Variants in CTNNA3 observed in about 807,000 individuals in gnomAD.
The protein encoded by CTNNA3 is catenin alpha-3.
CTNNA3 carries 76 observed loss-of-function variants against 95.7 expected under a neutral mutation model. That is an observed-to-expected ratio of 0.79 (90% CI 0.66 to 0.96). The LOEUF is 0.96. Among genes scored for constraint, CTNNA3 ranks in the 40% least tolerant of loss-of-function variants. The pLI, the probability that CTNNA3 is intolerant of heterozygous loss-of-function variation, is 0.00. For synonymous variants in CTNNA3, 431 were observed against 374.4 expected, an observed-to-expected ratio of 1.15 and a Z score of -1.74; for missense variants, 1,191 against 1,089.8, an observed-to-expected ratio of 1.09 and a Z score of -1.31.
At chr10:67,466,394 T>C (rs1589319906) in intron 5 of CTNNA3, among the ~76,000 whole-genome samples, 1 of 152,220 alleles carries the variant, frequency 6.6e-6, no homozygotes, top group East Asian at 1.9e-4. Context: ...AATACAACAA[T>C]GAAGTAGCAA....
intron 9 of CTNNA3, among the ~76,000 whole-genome samples, chr10:66,759,316 G>A (rs1839506832): frequency 6.6e-6 from 1 of 152,124 alleles, no homozygotes; most frequent in African/African-American, 2.4e-5. Flanking sequence ...GGTTGCAGTG[G>A]AACACTTCTT....
intron 17 of CTNNA3, among the ~76,000 whole-genome samples, chr10:65,951,804 C>T (rs758073487): frequency 5.3e-5 from 8 of 152,068 alleles, no homozygotes; most frequent in East Asian, 1.9e-4. Context: ...CCGAGGTGAG[C>T]GGACCACGAG....
At chr10:67,376,100 G>A (rs1843679279) in intron 5 of CTNNA3, among the ~76,000 whole-genome samples, 1 of 152,152 alleles carries the variant, frequency 6.6e-6, no homozygotes, top group African/African-American at 2.4e-5. Flanking sequence ...CTCCAGAACT[G>A]TGAAAAATAA....
At chr10:66,411,680 A>G (rs1434211942) in intron 11 of CTNNA3, among the ~76,000 whole-genome samples, 1 of 152,204 alleles carries the variant, frequency 6.6e-6, no homozygotes, top group African/African-American at 2.4e-5. Flanking sequence ...CAAGTAGATA[A>G]GGACTATAAT....
intron 9 of CTNNA3, among the ~76,000 whole-genome samples, chr10:66,692,392 C>T (rs1276079218): frequency 9.2e-5 from 14 of 151,982 alleles, no homozygotes; most frequent in Non-Finnish European, 1.6e-4. Context: ...TGAAATGAAG[C>T]AAGAAGGGAA....
At chr10:65,936,673 A>T (rs1296526798) in intron 17 of CTNNA3, among the ~76,000 whole-genome samples, 1 of 152,058 alleles carries the variant, frequency 6.6e-6, no homozygotes, top group South Asian at 2.1e-4. Flanking sequence ...TAATGATTAA[A>T]AGTGATTAAA....
intron 3 of CTNNA3, among the ~76,000 whole-genome samples, chr10:67,543,530 A>G (rs1017555234): frequency 5.9e-5 from 9 of 152,164 alleles, no homozygotes; most frequent in African/African-American, 2.2e-4. Context: ...AAAACATAGT[A>G]TAAGAAAAAT....
At chr10:67,752,477 C>T (rs1841412693) in intron 1 of CTNNA3, among the ~76,000 whole-genome samples, 1 of 152,110 alleles carries the variant, frequency 6.6e-6, no homozygotes, top group Admixed American at 6.6e-5. Flanking sequence ...AAGTTCTGGC[C>T]AGGGCAATCA....
intron 3 of CTNNA3, among the ~76,000 whole-genome samples, chr10:67,570,610 C>A (rs1017826728): frequency 3.3e-5 from 5 of 152,120 alleles, no homozygotes; most frequent in Non-Finnish European, 7.4e-5. Flanking sequence ...GTGGTTCCAC[C>A]TGGCTGTTTT....
chr10:66,493,239 TTAATAA>T (rs1839983968), intron 11 of CTNNA3, among the ~76,000 whole-genome samples: 2 of 152,182 alleles, frequency 1.3e-5, no homozygotes, highest in Non-Finnish European at 2.9e-5. Flanking sequence ...TCTTCTTCAA[TTAATAA>T]TAATACAGTG....
intron 11 of CTNNA3, among the ~76,000 whole-genome samples, chr10:66,476,977 T>C (rs527413604): frequency 2.3e-4 from 35 of 152,150 alleles, no homozygotes; most frequent in Non-Finnish European, 2.1e-4. Context: ...CCATTATTTA[T>C]GTTAATATTT....
At chr10:66,266,790 T>C (rs926572692) in intron 13 of CTNNA3, among the ~76,000 whole-genome samples, 18 of 152,106 alleles carry the variant, frequency 1.2e-4, no homozygotes, top group African/African-American at 3.9e-4. Flanking sequence ...CATTTTTTTC[T>C]ATTATTATTG....
At position 67,566,065 on chromosome 10, in the gene CTNNA3, A is replaced by ATATATATATATATATATATT. The variant is rs1841778510; in HGVS notation, c.293-26397_293-26396insAATATATATATATATATATA. ...TGTGTATATATATATATATATATATATATATATACAAAACCTAGGCATTAC... is the reference window on the plus strand; with the variant it reads ...TGTGTATATATATATATATATATATATATATATATATATATATATTTATATATACAAAACCTAGGCATTAC... On this transcript the variant is annotated intron_variant, in intron 3 of 17. Transcript: ENST00000433211. 2.0e-5 allele frequency among the ~76,000 whole-genome samples: 2 copies of ATATATATATATATATATATT among 99,306 alleles called. 1 individual carries two copies. The highest frequency in any genetic ancestry group is 4.0e-5 in the Non-Finnish European group (2 of 49,420). The allele number at this position is 99,306 out of a possible 152,430, so 65.1% of individuals were successfully genotyped here. A position where few individuals can be genotyped will look rare whatever the true frequency, so the allele number is the denominator to read the frequency against.
At chr10:66,408,586 G>A (rs2093075840) in intron 11 of CTNNA3, among the ~76,000 whole-genome samples, 1 of 152,030 alleles carries the variant, frequency 6.6e-6, no homozygotes, top group African/African-American at 2.4e-5. Context: ...GCTGTACAAA[G>A]TATCCTACCT....
intron 5 of CTNNA3, among the ~76,000 whole-genome samples, chr10:67,466,007 A>G (rs1437690067): frequency 6.6e-6 from 1 of 152,040 alleles, no homozygotes; most frequent in South Asian, 2.1e-4. Flanking sequence ...GTTATTTTTT[A>G]TTTGCCATTT....
chr10:67,022,666 G>A (rs1853099726), intron 7 of CTNNA3, among the ~76,000 whole-genome samples: 2 of 152,100 alleles, frequency 1.3e-5, no homozygotes, highest in African/African-American at 4.8e-5. Flanking sequence ...GGCCGGGCAC[G>A]GTGGTTCATG....
chr10:66,691,259 T>C (rs1368234489), intron 9 of CTNNA3, among the ~76,000 whole-genome samples: 3 of 152,266 alleles, frequency 2.0e-5, no homozygotes, highest in Admixed American at 6.5e-5. Context: ...CCCACCCTAA[T>C]ACTGCGCTTT....
At chr10:66,326,536 A>G (rs917825584) in intron 12 of CTNNA3, among the ~76,000 whole-genome samples, 30 of 152,106 alleles carry the variant, frequency 2.0e-4, no homozygotes, top group Admixed American at 1.9e-3. Flanking sequence ...ATGTATATAA[A>G]ATGCTGCATA....
At position 66,214,989 on chromosome 10, in the gene CTNNA3, A is replaced by G. The variant is rs542071055; in HGVS notation, c.1884+65481T>C. ...AAACTTCCAAGGTTGATGACTAGATAGATAGATAGATGCATAGATAGATAG... is the reference window on the plus strand; with the variant it reads ...AAACTTCCAAGGTTGATGACTAGATGGATAGATAGATGCATAGATAGATAG... On this transcript the variant is annotated intron_variant, in intron 13 of 17. Coordinates refer to ENST00000433211, the MANE Select transcript of CTNNA3 (RefSeq NM_013266.4). 2.2e-4 allele frequency among the ~76,000 whole-genome samples: 34 copies of G among 152,344 alleles called. No homozygotes were observed. In the South Asian group the frequency reaches 7.0e-3, roughly 32 times the overall value.
Sources: allele counts gnomAD v4.1 joint callset (sites outside exome capture counted in the v4.1 genomes callset), GRCh38; gene constraint gnomAD v4.1.1; transcripts MANE v1.5; gene names NCBI Gene and HGNC (gene_info 2026-07-23, HGNC 2026-07-21).